The following PRELID2 variants were observed in gnomAD, a reference collection of about 807,000 sequenced individuals.
The protein encoded by PRELID2 is PRELI domain containing 2.
Under a neutral mutation model 28.4 loss-of-function variants are expected in PRELID2, and 25 were observed. The ratio of observed to expected loss-of-function variants is 0.88; its 90% CI spans 0.64 to 1.23. The LOEUF is 1.23. Among genes scored for constraint, PRELID2 ranks in the 50% most tolerant of loss-of-function variants. The pLI, the probability that PRELID2 is intolerant of heterozygous loss-of-function variation, is 0.00. For missense variants in PRELID2, 201 were observed against 214.4 expected, an observed-to-expected ratio of 0.94 and a Z score of 0.39; for synonymous variants, 76 against 71.6, an observed-to-expected ratio of 1.06 and a Z score of -0.31.
intron 4 of PRELID2, among the ~76,000 whole-genome samples, chr5:145,808,377 G>T (rs1389846030): frequency 6.6e-6 from 1 of 152,066 alleles, no homozygotes; most frequent in African/African-American, 2.4e-5. Flanking sequence ...CTCTAGAGCA[G>T]GGTGAAAAAA....
At chr5:145,745,311 T>A (rs1371683643) in intron 1 of PRELID2, among the ~76,000 whole-genome samples, 1 of 152,054 alleles carries the variant, frequency 6.6e-6, no homozygotes, top group Non-Finnish European at 1.5e-5. Flanking sequence ...CAGGAGACCT[T>A]CCCCAACCTA....
chr5:145,294,855 C>T, the PRELID2 span, among the ~76,000 whole-genome samples: 2 of 152,092 alleles, frequency 1.3e-5, no homozygotes, highest in African/African-American at 4.8e-5. Flanking sequence ...CTAAACTATA[C>T]TGGCCTCAAA....
chr5:145,321,999 T>C, the PRELID2 span, among the ~76,000 whole-genome samples: 3 of 152,204 alleles, frequency 2.0e-5, no homozygotes, highest in Non-Finnish European at 4.4e-5. Context: ...TTTTTGTTTG[T>C]ATACAGATCA....
At chr5:145,801,187 T>G (rs1010521481) in intron 4 of PRELID2, among the ~76,000 whole-genome samples, 5 of 152,214 alleles carry the variant, frequency 3.3e-5, no homozygotes, top group Admixed American at 3.3e-4. Flanking sequence ...AGACCCTGAG[T>G]ATCACTTTTA....
At chr5:145,536,675 G>A (rs181178826) in intron 1 of PRELID2, among the ~76,000 whole-genome samples, 1 of 151,978 alleles carries the variant, frequency 6.6e-6, no homozygotes, top group East Asian at 1.9e-4. Context: ...TGTAGTTCAA[G>A]GCAGTTAACT....
At chr5:145,420,456 T>C in the PRELID2 span, among the ~76,000 whole-genome samples, 1 of 149,670 alleles carries the variant, frequency 6.7e-6, no homozygotes, top group African/African-American at 2.5e-5. Flanking sequence ...ACATCCCTTG[T>C]AAGTTGGATT....
At chr5:145,610,135 A>C (rs1753590192) in intron 1 of PRELID2, among the ~76,000 whole-genome samples, 1 of 152,140 alleles carries the variant, frequency 6.6e-6, no homozygotes, top group African/African-American at 2.4e-5. Flanking sequence ...TCTCATTCAC[A>C]GTCTTGCATG....
chr5:145,559,650 G>C (rs975220035), intron 1 of PRELID2, among the ~76,000 whole-genome samples: 1 of 152,002 alleles, frequency 6.6e-6, no homozygotes, highest in Non-Finnish European at 1.5e-5. Context: ...GCTCTAGCAC[G>C]AGTGCCCAGC....
chr5:145,702,453 T>C (rs1188617050), intron 1 of PRELID2, among the ~76,000 whole-genome samples: 2 of 152,210 alleles, frequency 1.3e-5, no homozygotes, highest in Non-Finnish European at 2.9e-5. Flanking sequence ...CTTGGATCCC[T>C]CCTTGGGGAA....
chr5:145,636,882 T>C (rs1024776699), intron 1 of PRELID2, among the ~76,000 whole-genome samples: 1 of 152,204 alleles, frequency 6.6e-6, no homozygotes, highest in Admixed American at 6.5e-5. Flanking sequence ...AAATAATTCC[T>C]CTGGAGGTGA....
At chr5:145,381,658 G>A in the PRELID2 span, 1 of 152,400 alleles carries the variant, frequency 6.6e-6, no homozygotes, top group African/African-American at 2.4e-5. Flanking sequence ...GTCTTCCACT[G>A]AAACTCAAAA....
At chr5:145,322,458 T>G in the PRELID2 span, among the ~76,000 whole-genome samples, 1 of 152,152 alleles carries the variant, frequency 6.6e-6, no homozygotes, top group South Asian at 2.1e-4. Context: ...AGTCTGAACA[T>G]GTAGCATTGA....
chr5:145,740,699 T>C (rs1359741987), intron 1 of PRELID2, among the ~76,000 whole-genome samples: 6 of 120,094 alleles, frequency 5.0e-5, no homozygotes, highest in Non-Finnish European at 9.7e-5. Flanking sequence ...ATATTATTTA[T>C]ATTAAATATA....
chr5:145,553,193 C>CCA (rs1491463101), intron 1 of PRELID2, among the ~76,000 whole-genome samples: 2 of 134,814 alleles, frequency 1.5e-5, no homozygotes, highest in Admixed American at 7.3e-5. Flanking sequence ...CCCCCCCCCC[C>CCA]AAAAAAAAAG....
At chr5:145,817,800 T>A in intron 4 of PRELID2, 94 bp downstream of exon 4, 1 of 1,011,644 alleles carries the variant, frequency 9.9e-7, no homozygotes, top group Non-Finnish European at 1.3e-6. Context: ...TTATAAACAG[T>A]GGTCATAAGT....
chr5:145,638,157 T>C (rs1335973501), intron 1 of PRELID2, among the ~76,000 whole-genome samples: 1 of 152,196 alleles, frequency 6.6e-6, no homozygotes, highest in Non-Finnish European at 1.5e-5. Context: ...TCATTGCTAG[T>C]ACTATTATTG....
chr5:145,784,380 C>A (rs1273069361), intron 5 of PRELID2, among the ~76,000 whole-genome samples: 2 of 152,052 alleles, frequency 1.3e-5, no homozygotes, highest in Admixed American at 6.6e-5. Context: ...GTTTTCTTCT[C>A]AACAATTTTA....
At chr5:145,586,938 A>G (rs988868438) in intron 1 of PRELID2, among the ~76,000 whole-genome samples, 11 of 152,154 alleles carry the variant, frequency 7.2e-5, no homozygotes, top group African/African-American at 2.7e-4. Context: ...AATATGACAA[A>G]GAAAGAGACA....
the PRELID2 span, among the ~76,000 whole-genome samples, chr5:145,264,466 C>T: frequency 6.6e-6 from 1 of 152,016 alleles, no homozygotes; most frequent in Non-Finnish European, 1.5e-5. Context: ...AAACCCTCCA[C>T]AAAATAGGCA....
Sources: allele counts gnomAD v4.1 joint callset (sites outside exome capture counted in the v4.1 genomes callset), GRCh38; gene constraint gnomAD v4.1.1; transcripts MANE v1.5; gene names NCBI Gene and HGNC (gene_info 2026-07-23, HGNC 2026-07-21).